PDE10A: variants seen among roughly 807,000 people sequenced by gnomAD.
The protein encoded by PDE10A is phosphodiesterase 10A, also known as cAMP and cAMP-inhibited cGMP 3',5'-cyclic phosphodiesterase 10A.
A neutral mutation model predicts 97.7 loss-of-function variants in PDE10A; 39 were observed. That is an observed-to-expected ratio of 0.40 (90% CI 0.31 to 0.52). The LOEUF is 0.52. PDE10A is among the 20% of genes least tolerant of loss of function. The pLI is 0.56. For missense variants in PDE10A, 731 were observed against 1,047.8 expected (o/e 0.70, Z 4.17); for synonymous variants, 371 against 376.8 (o/e 0.98, Z 0.18).
At chr6:165,500,933 G>A (rs1780836926) in intron 2 of PDE10A, among the ~76,000 whole-genome samples, 2 of 152,100 alleles carry the variant, frequency 1.3e-5, no homozygotes, top group African/African-American at 4.8e-5. Context: ...TGCACATCAA[G>A]GCACAGCACC....
intron 1 of PDE10A, among the ~76,000 whole-genome samples, chr6:165,784,396 C>G (rs1219684509): frequency 6.6e-6 from 1 of 152,092 alleles, no homozygotes; most frequent in African/African-American, 2.4e-5. Context: ...TGATTGTTTG[C>G]TTAGCTTAGC....
chr6:165,949,336 A>C (rs1397694317), intron 1 of PDE10A: 1 of 152,266 alleles, frequency 6.6e-6, no homozygotes, highest in African/African-American at 2.4e-5. Context: ...GTCTTAGTGC[A>C]CGGGCTGGAG....
At chr6:165,345,595 T>C (rs150608401) in intron 18 of PDE10A, among the ~76,000 whole-genome samples, 496 of 152,352 alleles carry the variant, frequency 3.3e-3, no homozygotes, top group African/African-American at 0.011. Context: ...ATCATGTTCA[T>C]GCTAAGCCTA....
chr6:165,379,010 C>G (rs535789885), intron 18 of PDE10A, among the ~76,000 whole-genome samples, 184 bp downstream of exon 18: 82 of 152,132 alleles, frequency 5.4e-4, no homozygotes, highest in Non-Finnish European at 1.1e-3. Flanking sequence ...ACATTGCCAG[C>G]AATCTTGTCA....
intron 1 of PDE10A, among the ~76,000 whole-genome samples, chr6:165,910,379 T>C (rs1562794133): frequency 6.6e-6 from 1 of 152,180 alleles, no homozygotes; most frequent in Non-Finnish European, 1.5e-5. Context: ...TGATGGCTCA[T>C]CAGATAGTCA....
chr6:165,982,431 C>G (rs1785048619), intron 1 of PDE10A, among the ~76,000 whole-genome samples: 1 of 152,166 alleles, frequency 6.6e-6, no homozygotes, highest in East Asian at 1.9e-4. Context: ...CTAAAACCAT[C>G]TTGAAAGACA....
intron 1 of PDE10A, among the ~76,000 whole-genome samples, chr6:165,931,750 A>G (rs1783142945): frequency 6.6e-6 from 1 of 152,188 alleles, no homozygotes; most frequent in Non-Finnish European, 1.5e-5. Flanking sequence ...AAACAAAATA[A>G]AACAAAGACC....
chr6:165,523,425 T>A (rs1379070112), intron 2 of PDE10A, among the ~76,000 whole-genome samples: 2 of 151,880 alleles, frequency 1.3e-5, no homozygotes, highest in Non-Finnish European at 2.9e-5. Flanking sequence ...AACAGACACA[T>A]AGAGCAATGA....
intron 1 of PDE10A, chr6:165,949,952 A>G (rs1783900619): frequency 6.6e-6 from 1 of 152,238 alleles, no homozygotes; most frequent in African/African-American, 2.4e-5. Context: ...CTAAAATTTT[A>G]TTTAATTATC....
rs558956377 is a variant in PDE10A, at chr6:165,328,434, T to C, written c.*4591A>G. On this transcript the variant is annotated 3_prime_UTR_variant, in exon 22 of 22. Transcript: ENST00000539869. The stretch of plus-strand genomic sequence containing the variant: ...AAAACATCAGAGGAAAACTGAAATA[T>C]GTAAACTGACTTCCCTACTTAGTAA... 2 of 152,358 alleles carry C rather than the reference T, an allele frequency of 1.3e-5. No individual in the cohort carries two copies. The highest frequency in any genetic ancestry group is 6.5e-5 in the Admixed American group (1 of 15,314). 9.4% of individuals were successfully genotyped at this position (152,358 alleles called of 1,614,324 possible).
chr6:165,458,572 T>C (rs774957982), intron 3 of PDE10A, among the ~76,000 whole-genome samples: 4 of 152,112 alleles, frequency 2.6e-5, no homozygotes, highest in Non-Finnish European at 5.9e-5. Context: ...ACCAGGACAC[T>C]AAGGTTTACC....
At chr6:165,796,938 T>G (rs954128127) in intron 1 of PDE10A, among the ~76,000 whole-genome samples, 8 of 152,234 alleles carry the variant, frequency 5.3e-5, no homozygotes, top group African/African-American at 1.9e-4. Flanking sequence ...CTTAACTTAT[T>G]CTTCTATCTC....
intron 1 of PDE10A, among the ~76,000 whole-genome samples, chr6:165,863,484 A>T (rs1331210979): frequency 6.6e-6 from 1 of 152,256 alleles, no homozygotes; most frequent in East Asian, 1.9e-4. Context: ...TAATGTTGGC[A>T]GGAAGCTCCG....
intron 1 of PDE10A, among the ~76,000 whole-genome samples, chr6:165,772,423 T>C (rs1778037291): frequency 6.6e-6 from 1 of 152,196 alleles, no homozygotes; most frequent in African/African-American, 2.4e-5. Flanking sequence ...TGTTTCCTAG[T>C]GCCTGTTGTA....
At chr6:165,779,951 A>G (rs150595365) in intron 1 of PDE10A, among the ~76,000 whole-genome samples, 1 of 152,332 alleles carries the variant, frequency 6.6e-6, no homozygotes, top group East Asian at 1.9e-4. Flanking sequence ...GTTGGAGAGC[A>G]TCTATTGAGT....
In PDE10A at chr6:165,364,292, T is replaced by C. The variant is rs141798399; in HGVS notation, c.2783+14902A>G. On this transcript the variant is annotated intron_variant, in intron 18 of 21. Coordinates refer to ENST00000539869, the MANE Select transcript of PDE10A (RefSeq NM_001385079.1). ...ATGAATGGGATTAGTTCCCACATAA[T>C]AGAAACCTCAGAGAGCTCCCTCCCT... is the stretch of plus-strand genomic sequence containing the variant. Among the ~76,000 whole-genome samples the C allele has an allele frequency of 6.4e-3, 971 of 152,230 alleles. 17 individuals are homozygous for C. Among genetic ancestry groups the C allele is most frequent in the African/African-American group, 0.022 (914 of 41,530 alleles).
chr6:165,461,173 C>T (rs1467015198), intron 3 of PDE10A, among the ~76,000 whole-genome samples: 2 of 152,184 alleles, frequency 1.3e-5, no homozygotes, highest in African/African-American at 4.8e-5. Context: ...GACTTAAGAG[C>T]TATCAATTCA....
chr6:165,802,378 C>T (rs1433467243), intron 1 of PDE10A, among the ~76,000 whole-genome samples: 3 of 152,208 alleles, frequency 2.0e-5, no homozygotes, highest in Non-Finnish European at 4.4e-5. Flanking sequence ...AAGTTTGTCA[C>T]ACCTCTGTAG....
intron 1 of PDE10A, among the ~76,000 whole-genome samples, chr6:165,874,062 T>C (rs1177407141): frequency 6.6e-6 from 1 of 152,150 alleles, no homozygotes; most frequent in African/African-American, 2.4e-5. Flanking sequence ...AAATGAAGCA[T>C]TATGGTAGTA....
Sources: allele counts gnomAD v4.1 joint callset (sites outside exome capture counted in the v4.1 genomes callset), GRCh38; gene constraint gnomAD v4.1.1; transcripts MANE v1.5; gene names NCBI Gene and HGNC (gene_info 2026-07-23, HGNC 2026-07-21).